Variants in EVC observed in about 807,000 individuals in gnomAD.
The protein encoded by EVC is evC complex member EVC.
Under a neutral mutation model 118.9 loss-of-function variants are expected in EVC, and 116 were observed. That is an observed-to-expected ratio of 0.98 (90% confidence interval 0.84 to 1.14). The LOEUF (loss-of-function observed/expected upper bound fraction) is 1.14, where lower values mean the gene tolerates loss of function less well. Among genes scored for constraint, EVC ranks in the 50% most tolerant of loss-of-function variants. The pLI, the probability that EVC is intolerant of heterozygous loss-of-function variation, is 0.00. For synonymous variants in EVC, 619 were observed against 534.7 expected (o/e 1.16, Z -2.18); for missense variants, 1,401 against 1,246.4 (o/e 1.12, Z -1.87).
chr4:5,818,165 C>T (rs1040160991), downstream of EVC, among the ~76,000 whole-genome samples: 1 of 152,060 alleles, frequency 6.6e-6, no homozygotes, highest in African/African-American at 2.4e-5. Flanking sequence ...AAGGGGAAAC[C>T]ATTTTCACTT....
chr4:5,739,213 T>C (rs1271863506), intron 5 of EVC, among the ~76,000 whole-genome samples: 12 of 152,190 alleles, frequency 7.9e-5, no homozygotes, highest in Admixed American at 6.5e-5. Flanking sequence ...CTGATTTATT[T>C]GGGGTCAGGA....
At chr4:5,753,980 GCT>G (rs1392352622) in intron 10 of EVC, 47 bp downstream of exon 10, 3 of 1,611,262 alleles carry the variant, frequency 1.9e-6, no homozygotes, top group Non-Finnish European at 2.5e-6. Flanking sequence ...GCCAGTTGTA[GCT>G]CTGTTCCCGT....
rs572928436 is a variant in EVC at position 5,782,776 on chromosome 4, G to A, written c.1564-776G>A. Among the ~76,000 whole-genome samples the A allele has an allele frequency of 6.2e-4, 94 of 152,178 alleles. No homozygotes were observed. In the Middle Eastern group the frequency reaches 0.01, roughly 17 times the overall value. ...TGTGAGGGGAACAGAGGTCTTCCAC[G>A]TTATTTGAGGAGGACTCATGATAAG... On this transcript the variant is annotated intron_variant, in intron 11 of 20. Transcript: ENST00000264956.
chr4:5,787,772 G>C (rs1711973735), intron 12 of EVC, among the ~76,000 whole-genome samples: 1 of 152,140 alleles, frequency 6.6e-6, no homozygotes, highest in South Asian at 2.1e-4. Flanking sequence ...CAGTGCTAGA[G>C]GCAGTCTGTC....
intron 11 of EVC, among the ~76,000 whole-genome samples, chr4:5,765,314 T>G (rs1458547515): frequency 8.6e-6 from 1 of 116,402 alleles, no homozygotes; most frequent in Admixed American, 7.8e-5. Context: ...AGGAGAGCAT[T>G]ACTTCCAAGT....
intron 11 of EVC, among the ~76,000 whole-genome samples, chr4:5,782,933 C>T (rs992969362): frequency 6.6e-6 from 1 of 151,852 alleles, no homozygotes; most frequent in Non-Finnish European, 1.5e-5. Context: ...GAGGAGATGC[C>T]AGAGTTAGAG....
intron 5 of EVC, among the ~76,000 whole-genome samples, chr4:5,740,979 C>T (rs1429318322): frequency 1.3e-5 from 2 of 152,220 alleles, no homozygotes; most frequent in South Asian, 2.1e-4. Flanking sequence ...ATCACTCATA[C>T]ATTGCTGATG....
intron 11 of EVC, among the ~76,000 whole-genome samples, chr4:5,771,817 T>C (rs1734010189): frequency 6.6e-6 from 1 of 152,190 alleles, no homozygotes; most frequent in Admixed American, 6.5e-5. Context: ...ATGCAGGGAC[T>C]GAGAAAAATA....
At position 5,711,421 on chromosome 4, in the gene EVC, T is replaced by C; in HGVS notation, c.41T>C (p.Leu14Pro). ...GGAACKSDAR[L>P]LLGRDALRPA... is the part of the protein sequence containing the mutation. ...GCGGCCTGCAAGAGCGACGCGCGGC[T>C]GCTGCTGGGGCGGGACGCGCTGCGG... Residue 14 changes from leucine (L) to proline (P), a missense_variant, in exon 1 of 21, where the codon CTG becomes CCG. Leu to Pro is a moderately conservative substitution (Grantham distance 98, BLOSUM62 -3). Coordinates refer to ENST00000264956, the MANE Select transcript of EVC (RefSeq NM_153717.3). The C allele has an allele frequency of 9.7e-7, 1 of 1,026,246 alleles. No homozygotes were observed. The highest frequency in any genetic ancestry group is 4.4e-5 in the South Asian group (1 of 22,962). 63.6% of individuals were successfully genotyped at this position (1,026,246 alleles called of 1,614,324 possible).
At chr4:5,762,359 C>T (rs546557756) in intron 11 of EVC, among the ~76,000 whole-genome samples, 206 of 138,878 alleles carry the variant, frequency 1.5e-3, no homozygotes, top group Non-Finnish European at 2.6e-3. Context: ...CCGCAATAAA[C>T]ATACGTGTGC....
the EVC span, chr4:5,825,695 C>CTGTGCA: frequency 6.2e-7 from 1 of 1,607,062 alleles, no homozygotes; most frequent in Non-Finnish European, 8.5e-7. The surrounding 1 kb of genome is among the most constrained non-coding windows in gnomAD (Gnocchi z 4.4). Context: ...TTGATCGACA[C>CTGTGCA]TGTGCATGTG....
Position 5,731,580 on chromosome 4 carries a change from G to A in EVC, c.540G>A (p.Ser180=), listed in dbSNP as rs200120462. Residue 180 remains serine (S), a synonymous_variant, in exon 4 of 21, where the codon TCG becomes TCA. Transcript: ENST00000264956. The surrounding 1 kb of genome is among the most constrained non-coding windows in gnomAD (Gnocchi z 5.6). The part of the protein sequence containing the change: ...DDCSSSSSVH[S]ATSDDRFLSR... The stretch of plus-strand genomic sequence containing the variant: ...GCAGCTCCTCATCCAGCGTCCACTC[G>A]GCCACCAGCGATGACAGGTTTCTCA... 47 of 1,614,100 alleles carry A rather than the reference G, an allele frequency of 2.9e-5. 1 individual carries two copies. In the African/African-American group the frequency reaches 4.1e-4, roughly 14 times the overall value.
In EVC at chr4:5,755,344, C is replaced by T. The variant is rs938509825; in HGVS notation, c.1465-920C>T. The stretch of plus-strand genomic sequence containing the variant: ...CGCCTCAGCGCTGGCGTTCAGGACA[C>T]GTGGGACGCAGGCAGGGAAGGGTGA... On this transcript the variant is annotated intron_variant, in intron 10 of 20. Transcript: ENST00000264956. This position sits in a 1 kb window ranked among gnomAD's most constrained non-coding sequence, Gnocchi z 4.1. 4.6e-5 allele frequency among the ~76,000 whole-genome samples: 7 copies of T among 151,930 alleles called. No homozygotes were observed. Among genetic ancestry groups the T allele is most frequent in the Admixed American group, 6.6e-5 (1 of 15,252 alleles).
intron 11 of EVC, among the ~76,000 whole-genome samples, chr4:5,778,114 T>G (rs1734997106): frequency 6.6e-6 from 1 of 151,458 alleles, no homozygotes; most frequent in Non-Finnish European, 1.5e-5. Context: ...TTGCGATAGT[T>G]TACTGAGAAT....
At chr4:5,791,101 GA>G (rs966558695) in intron 12 of EVC, among the ~76,000 whole-genome samples, 1 of 151,846 alleles carries the variant, frequency 6.6e-6, no homozygotes, top group East Asian at 1.9e-4. Flanking sequence ...ATCTCAAAAA[GA>G]AAAAAAGAAA....
At chr4:5,729,666 T>G (rs1047629571) in intron 3 of EVC, among the ~76,000 whole-genome samples, 22 of 152,148 alleles carry the variant, frequency 1.4e-4, no homozygotes, top group African/African-American at 5.3e-4. Flanking sequence ...ATACAAACAC[T>G]GATACCGACT....
intron 11 of EVC, among the ~76,000 whole-genome samples, chr4:5,772,408 T>C (rs1187428702): frequency 3.9e-5 from 6 of 152,084 alleles, no homozygotes; most frequent in African/African-American, 1.5e-4. Flanking sequence ...GCTGCATACC[T>C]GCTGTGTGGC....
intron 11 of EVC, among the ~76,000 whole-genome samples, chr4:5,770,494 C>G (rs1733774028): frequency 6.6e-6 from 1 of 152,124 alleles, no homozygotes; most frequent in Non-Finnish European, 1.5e-5. Flanking sequence ...AGTGTCTGTT[C>G]AAGGTCACTC....
At chr4:5,822,375 A>T in the EVC span, among the ~76,000 whole-genome samples, 1 of 151,786 alleles carries the variant, frequency 6.6e-6, no homozygotes, top group Admixed American at 6.6e-5. Flanking sequence ...CACACTCCAA[A>T]GGTATTTTAC....
Sources: gnomAD v4.1 joint callset for allele counts (sites outside exome capture counted in the v4.1 genomes callset) on GRCh38, gnomAD v4.1.1 for gene constraint, Gnocchi (gnomAD v3.1) non-coding constraint, MANE v1.5 for transcripts, NCBI Gene and HGNC (gene_info 2026-07-23, HGNC 2026-07-21) for gene names.